ELFN2: variants seen among roughly 807,000 people sequenced by gnomAD.
The protein encoded by ELFN2 is protein phosphatase 1 regulatory subunit 29.
Under a neutral mutation model 45.5 loss-of-function variants are expected in ELFN2, and 17 were observed. The ratio of observed to expected loss-of-function variants is 0.37; its 90% CI spans 0.26 to 0.56. The LOEUF is 0.56. ELFN2 is among the 20% of genes least tolerant of loss of function. ELFN2 has a pLI of 0.77. For missense variants in ELFN2, 922 were observed against 1,183.2 expected (o/e 0.78, Z 3.24); for synonymous variants, 550 against 551.5 (o/e 1.00, Z 0.04).
chr22:37,424,189 C>A (rs1034647365), intron 1 of ELFN2, among the ~76,000 whole-genome samples: 1 of 152,074 alleles, frequency 6.6e-6, no homozygotes, highest in African/African-American at 2.4e-5. Context: ...TGCCTCCCAG[C>A]CCTGCACACG....
chr22:37,411,291 A>G (rs1206401235), intron 2 of ELFN2, among the ~76,000 whole-genome samples: 1 of 151,978 alleles, frequency 6.6e-6, no homozygotes, highest in Non-Finnish European at 1.5e-5. Flanking sequence ...CTAGCGGGGC[A>G]GCAAAGGCCT....
intron 2 of ELFN2, among the ~76,000 whole-genome samples, chr22:37,383,659 C>T (rs1373285081): frequency 6.6e-6 from 1 of 152,270 alleles, no homozygotes; most frequent in Non-Finnish European, 1.5e-5. Flanking sequence ...AGCAGCCGCA[C>T]ACCCACCCAC....
chr22:37,361,746 A>G (rs772283162), intron 1 of ELFN2, among the ~76,000 whole-genome samples: 19 of 152,116 alleles, frequency 1.2e-4, no homozygotes, highest in Non-Finnish European at 2.4e-4. Context: ...CATTCAGCTA[A>G]CAAACTGTTA....
At chr22:37,377,098 A>C (rs1264702241) in intron 2 of ELFN2, among the ~76,000 whole-genome samples, 3 of 152,232 alleles carry the variant, frequency 2.0e-5, no homozygotes, top group African/African-American at 4.8e-5. Context: ...GGGGGAGAAG[A>C]AGCAGGGGAC....
Position 37,373,063 on chromosome 22 carries a change from A to AG in ELFN2, c.*8dup, listed in dbSNP as rs550103003. On this transcript the variant is annotated 3_prime_UTR_variant, in exon 3 of 3. Coordinates refer to ENST00000402918, the MANE Select transcript of ELFN2 (RefSeq NM_052906.5). ...CTGGCTCCGACCTCACCAGGGAGGA[A>AG]GGGGGGGGTCACAGCTTCTGCTGGG... 442 of 1,578,508 alleles carry AG rather than the reference A, an allele frequency of 2.8e-4. 1 individual carries two copies. Among genetic ancestry groups the AG allele is most frequent in the East Asian group, 6.8e-4 (30 of 44,348 alleles).
intron 2 of ELFN2, among the ~76,000 whole-genome samples, chr22:37,416,777 CCCA>C (rs1259511769): frequency 1.3e-5 from 2 of 152,064 alleles, no homozygotes. Context: ...CAGCCCTTCC[CCCA>C]CCACACCTCC....
intron 1 of ELFN2, among the ~76,000 whole-genome samples, chr22:37,348,718 C>T (rs1407486386): frequency 6.6e-6 from 1 of 150,816 alleles, no homozygotes; most frequent in African/African-American, 2.4e-5. Context: ...CTCCCGGGGC[C>T]CACCAATCTG....
chr22:37,383,924 G>A (rs558864928), intron 2 of ELFN2, among the ~76,000 whole-genome samples: 12 of 152,250 alleles, frequency 7.9e-5, no homozygotes, highest in Admixed American at 2.0e-4. Context: ...GTGTGACCTC[G>A]GGCAAGTCAG....
intron 1 of ELFN2, among the ~76,000 whole-genome samples, chr22:37,423,154 G>A (rs572728944): frequency 9.9e-5 from 15 of 152,254 alleles, no homozygotes; most frequent in East Asian, 3.9e-4. Flanking sequence ...CCCTCCAAGC[G>A]CTGCTGTTCG....
At chr22:37,345,547 CTTTT>C (rs3041585) in intron 1 of ELFN2, among the ~76,000 whole-genome samples, 43 of 134,908 alleles carry the variant, frequency 3.2e-4, no homozygotes, top group Admixed American at 6.5e-4. Context: ...TTGTTGTTGT[CTTTT>C]TTTTTTTTTT....
intron 1 of ELFN2, among the ~76,000 whole-genome samples, chr22:37,345,531 T>C (rs1930675823): frequency 6.8e-6 from 1 of 147,570 alleles, no homozygotes. Context: ...TCCTTGTTTT[T>C]TGTTTTTGTT....
intron 2 of ELFN2, among the ~76,000 whole-genome samples, chr22:37,398,358 A>G (rs1033678142): frequency 6.6e-6 from 1 of 151,894 alleles, no homozygotes; most frequent in Non-Finnish European, 1.5e-5. Flanking sequence ...TGTTCCAGCC[A>G]CCTGCCGTGC....
intron 2 of ELFN2, among the ~76,000 whole-genome samples, chr22:37,386,342 G>A (rs1468515768): frequency 1.3e-5 from 2 of 152,092 alleles, no homozygotes; most frequent in African/African-American, 4.8e-5. Flanking sequence ...TGCTCACCTA[G>A]GACTGGGACA....
At chr22:37,345,315 G>A (rs1364005592) in intron 1 of ELFN2, among the ~76,000 whole-genome samples, 2 of 152,232 alleles carry the variant, frequency 1.3e-5, no homozygotes, top group Admixed American at 6.5e-5. Flanking sequence ...ACGCTGGGAA[G>A]TGGTATACAG....
At chr22:37,366,457 C>T (rs916205431), downstream of ELFN2, among the ~76,000 whole-genome samples, 2 of 152,198 alleles carry the variant, frequency 1.3e-5, no homozygotes, top group Non-Finnish European at 2.9e-5. Flanking sequence ...TCTCGAGGTT[C>T]GTTGACCCCT....
intron 2 of ELFN2, among the ~76,000 whole-genome samples, chr22:37,394,296 T>C (rs1356855048): frequency 6.6e-6 from 1 of 152,208 alleles, no homozygotes; most frequent in Non-Finnish European, 1.5e-5. Flanking sequence ...TCCCAGGGTC[T>C]CTAGTGTGCC....
At chr22:37,367,341 C>T (rs780320499), downstream of ELFN2, among the ~76,000 whole-genome samples, 81 of 152,152 alleles carry the variant, frequency 5.3e-4, no homozygotes, top group Non-Finnish European at 8.5e-4. Flanking sequence ...GCAGAAGCCC[C>T]GAAGGACCAG....
Position 37,374,461 on chromosome 22 carries a change from G to T in ELFN2, c.1074C>A (p.Thr358=), listed in dbSNP as rs1053728757. ...LDKLRAHTEY[T]FCVTSLRNSR... is the part of the protein sequence containing the mutation. The stretch of plus-strand genomic sequence containing the variant: ...TGTTGCGCAGCGAGGTCACGCAGAA[G>T]GTGTACTCAGTGTGCGCCCGCAGTT... The change falls in exon 3 of 3, where the codon ACC becomes ACA. Residue 358 remains threonine, a synonymous_variant. Transcript: ENST00000402918. The T allele has an allele frequency of 1.9e-6, 3 of 1,614,096 alleles. No individual in the cohort carries two copies. In the African/African-American group the frequency reaches 4.0e-5, roughly 22 times the overall value.
intron 2 of ELFN2, among the ~76,000 whole-genome samples, chr22:37,411,803 T>C (rs576954679): frequency 2.0e-5 from 3 of 152,116 alleles, no homozygotes; most frequent in African/African-American, 4.8e-5. Flanking sequence ...CTCCATCCCC[T>C]CCAGGAGCCT....
Sources: gnomAD v4.1 joint callset for allele counts (sites outside exome capture counted in the v4.1 genomes callset) on GRCh38, gnomAD v4.1.1 for gene constraint, MANE v1.5 for transcripts, NCBI Gene and HGNC (gene_info 2026-07-23, HGNC 2026-07-21) for gene names.